Variants in DCTN5 observed in about 807,000 individuals in gnomAD.
DCTN5 encodes dynactin subunit 5.
In DCTN5, 14 loss-of-function variants were observed where a neutral mutation model predicts 23.5. That is an observed-to-expected ratio of 0.60 (90% CI 0.39 to 0.93). The LOEUF (loss-of-function observed/expected upper bound fraction) is 0.93, where lower values mean the gene tolerates loss of function less well. Among genes scored for constraint, DCTN5 ranks in the 40% least tolerant of loss-of-function variants. The pLI is 0.00. For missense variants in DCTN5, 156 were observed against 225.9 expected (o/e 0.69, Z 1.98); for synonymous variants, 67 against 79.6 (o/e 0.84, Z 0.84).
chr16:23,674,398 A>G lies in DCTN5; in HGVS notation c.*7254A>G, dbSNP rs1339646815. 2.6e-5 allele frequency: 4 copies of G among 152,236 alleles called. No homozygotes were observed. The highest frequency in any genetic ancestry group is 1.3e-4 in the Admixed American group (2 of 15,282). The allele number at this position is 152,236 out of a possible 1,614,324, so 9.4% of individuals were successfully genotyped here. On this transcript the variant is annotated 3_prime_UTR_variant, in exon 6 of 6. Transcript: ENST00000300087. Reference sequence around the variant, plus strand: ...CTTCTAATATTTGCCAAACGCTCCAAGCTGGGGAAGGGCACATCGCAAGGA... The same window carrying G: ...CTTCTAATATTTGCCAAACGCTCCAGGCTGGGGAAGGGCACATCGCAAGGA...
At chr16:23,646,984 T>G (rs1967475558) in intron 2 of DCTN5, among the ~76,000 whole-genome samples, 1 of 152,210 alleles carries the variant, frequency 6.6e-6, no homozygotes, top group South Asian at 2.1e-4. Context: ...CTTTCCCTGT[T>G]GAATGGTCTT....
intron 2 of DCTN5, among the ~76,000 whole-genome samples, chr16:23,653,476 T>C (rs1967642267): frequency 1.3e-5 from 2 of 152,130 alleles, no homozygotes; most frequent in South Asian, 4.1e-4. Flanking sequence ...CAATAAATGG[T>C]GCTTGGATAA....
rs529773414 is a variant in DCTN5 at position 23,657,889 on chromosome 16, T to G, written c.118-618T>G. ...TTTTTCCAGTTACAACTCCAGCATA[T>G]GCACTTTTTAACCCCATTCATTTAT... On this transcript the variant is annotated intron_variant, in intron 2 of 5. Coordinates refer to ENST00000300087, the MANE Select transcript of DCTN5 (RefSeq NM_032486.4). 2.6e-5 allele frequency among the ~76,000 whole-genome samples: 4 copies of G among 152,372 alleles called. No individual in the cohort carries two copies. In the East Asian group the frequency reaches 7.7e-4, roughly 29 times the overall value.
At chr16:23,658,014 C>G (rs1258471623) in intron 2 of DCTN5, among the ~76,000 whole-genome samples, 4 of 152,206 alleles carry the variant, frequency 2.6e-5, no homozygotes, top group African/African-American at 9.6e-5. Context: ...ACGCCTTACA[C>G]TTTGCAGTGT....
chr16:23,645,201 C>G (rs1484308032), intron 2 of DCTN5, among the ~76,000 whole-genome samples: 1 of 138,354 alleles, frequency 7.2e-6, no homozygotes, highest in African/African-American at 2.7e-5. Flanking sequence ...ATGGCACGAT[C>G]TCGGCTCACC....
chr16:23,645,029 C>T (rs143174721), intron 2 of DCTN5, among the ~76,000 whole-genome samples: 59 of 135,612 alleles, frequency 4.4e-4, no homozygotes, highest in Middle Eastern at 4.0e-3. Context: ...ATCCACCTGC[C>T]TTGGCCTCTC....
intron 3 of DCTN5, among the ~76,000 whole-genome samples, 187 bp from the exon 4 acceptor site, chr16:23,660,983 T>G (rs993011148): frequency 1.3e-5 from 2 of 152,218 alleles, no homozygotes; most frequent in African/African-American, 4.8e-5. Context: ...ACTATTGCAA[T>G]TTTGAACTAG....
rs745347891 is a variant in DCTN5, at chr16:23,641,542, C to T, written c.-1C>T. ...GGGGCTGAGGGAAGGAGGCGGCGGC[C>T]ATGGAGTTGGGCGAGCTGCTCTACA... On this transcript the variant is annotated 5_prime_UTR_variant, in exon 1 of 6. Transcript: ENST00000300087. 6.2e-7 allele frequency: 1 copy of T among 1,614,096 alleles called. No individual in the cohort carries two copies.
intron 5 of DCTN5, 107 bp from the exon 6 acceptor site, chr16:23,666,940 A>G: frequency 6.6e-7 from 1 of 1,514,520 alleles, no homozygotes; most frequent in African/African-American, 1.4e-5. Flanking sequence ...TATTTAAGTG[A>G]TTGTCAGACA....
chr16:23,654,862 T>C (rs2091714759), intron 2 of DCTN5, among the ~76,000 whole-genome samples: 1 of 152,234 alleles, frequency 6.6e-6, no homozygotes, highest in South Asian at 2.1e-4. Context: ...TATGTCTTTC[T>C]GTGCTTGGCT....
chr16:23,649,203 G>C (rs1385294944), intron 2 of DCTN5, among the ~76,000 whole-genome samples: 1 of 152,028 alleles, frequency 6.6e-6, no homozygotes, highest in African/African-American at 2.4e-5. Flanking sequence ...TATATTTGTT[G>C]GCCATTAGTA....
chr16:23,665,543 T>C, intron 4 of DCTN5, 83 bp from the exon 5 acceptor site: 1 of 1,296,980 alleles, frequency 7.7e-7, no homozygotes, highest in Non-Finnish European at 1.1e-6. Context: ...GGCTATTACA[T>C]GGTATCATGA....
intron 2 of DCTN5, among the ~76,000 whole-genome samples, chr16:23,645,148 T>A (rs1314007246): frequency 1.8e-5 from 2 of 111,628 alleles, no homozygotes; most frequent in Non-Finnish European, 3.6e-5. Flanking sequence ...TTTTTTTTTT[T>A]TTTAATACGC....
At chr16:23,645,106 TA>T (rs1567228316) in intron 2 of DCTN5, among the ~76,000 whole-genome samples, 557 of 32,206 alleles carry the variant, frequency 0.017, 40 homozygotes, top group South Asian at 0.036. Context: ...TATATATATA[TA>T]TATATATATA....
At chr16:23,652,325 G>C (rs1001193979) in intron 2 of DCTN5, among the ~76,000 whole-genome samples, 1 of 152,008 alleles carries the variant, frequency 6.6e-6, no homozygotes, top group African/African-American at 2.4e-5. Context: ...TGATCATCCC[G>C]TAGCTATCTC....
At chr16:23,660,511 CAATT>C (rs999977634) in intron 3 of DCTN5, among the ~76,000 whole-genome samples, 11 of 152,182 alleles carry the variant, frequency 7.2e-5, no homozygotes, top group African/African-American at 2.7e-4. Flanking sequence ...TACTCAAAGT[CAATT>C]AAGTTTTTCC....
At chr16:23,644,166 C>A (rs1226810802) in intron 2 of DCTN5, among the ~76,000 whole-genome samples, 1 of 151,914 alleles carries the variant, frequency 6.6e-6, no homozygotes, top group Non-Finnish European at 1.5e-5. Flanking sequence ...ATTGCTCTGT[C>A]ACCCAGGTCG....
At chr16:23,667,001 T>C in intron 5 of DCTN5, 46 bp from the exon 6 acceptor site, 2 of 1,611,608 alleles carry the variant, frequency 1.2e-6, no homozygotes, top group East Asian at 4.5e-5. Flanking sequence ...TCTTAACTTC[T>C]TGTAACTTCT....
At chr16:23,658,948 G>A (rs1337115626) in intron 3 of DCTN5, among the ~76,000 whole-genome samples, 4 of 152,156 alleles carry the variant, frequency 2.6e-5, no homozygotes, top group East Asian at 1.9e-4. Flanking sequence ...ACAGCTAGCC[G>A]GAATCAAGAC....
Sources: gnomAD v4.1 joint callset for allele counts (sites outside exome capture counted in the v4.1 genomes callset) on GRCh38, gnomAD v4.1.1 for gene constraint, MANE v1.5 for transcripts, NCBI Gene and HGNC (gene_info 2026-07-23, HGNC 2026-07-21) for gene names.